Variants in GNS observed in about 807,000 individuals in gnomAD.
The protein encoded by GNS is glucosamine (N-acetyl)-6-sulfatase, also known as N-acetylglucosamine-6-sulfatase.
In GNS, 40 loss-of-function variants were observed where a neutral mutation model predicts 69.7. The ratio of observed to expected loss-of-function variants is 0.57; its 90% CI spans 0.45 to 0.75. The LOEUF (loss-of-function observed/expected upper bound fraction) is 0.75, where lower values mean the gene tolerates loss of function less well. GNS is among the 30% of genes least tolerant of loss of function. The pLI, the probability that GNS is intolerant of heterozygous loss-of-function variation, is 0.00. For missense variants in GNS, 565 were observed against 685.5 expected, an observed-to-expected ratio of 0.82 and a Z score of 1.96; for synonymous variants, 243 against 251.6, an observed-to-expected ratio of 0.97 and a Z score of 0.32.
chr12:64,758,135 GA>G (rs897877732), intron 1 of GNS, among the ~76,000 whole-genome samples: 5 of 151,348 alleles, frequency 3.3e-5, no homozygotes, highest in African/African-American at 7.3e-5. Flanking sequence ...ATTTACTCTG[GA>G]AAAAAAATGA....
rs1359330028 is a variant in GNS at position 64,714,829 on chromosome 12, G to A, written c.*1912C>T. The A allele has an allele frequency of 2.6e-5, 4 of 152,574 alleles. No homozygotes were observed. The highest frequency in any genetic ancestry group is 2.9e-5 in the Non-Finnish European group (2 of 68,034). 9.5% of individuals were successfully genotyped at this position (152,574 alleles called of 1,614,324 possible). A position where few individuals can be genotyped will look rare whatever the true frequency, so the allele number is the denominator to read the frequency against. On this transcript the variant is annotated 3_prime_UTR_variant, in exon 14 of 14. Coordinates refer to ENST00000258145, the MANE Select transcript of GNS (RefSeq NM_002076.4). The stretch of plus-strand genomic sequence containing the variant: ...AAGAGTCAAAGTGAAAAAGAAAGCC[G>A]ATACCCATATTCAACAGTGCTTTCA...
At chr12:64,748,350 G>A (rs1444087534) in intron 2 of GNS, among the ~76,000 whole-genome samples, 5 of 151,176 alleles carry the variant, frequency 3.3e-5, no homozygotes, top group African/African-American at 1.2e-4. Flanking sequence ...ACAGGTGTGT[G>A]CCACCATCCT....
In GNS at chr12:64,756,520, T is replaced by C. The variant is rs1870254166; in HGVS notation, c.192+2565A>G. On this transcript the variant is annotated intron_variant, in intron 1 of 13. Transcript: ENST00000258145. ...AGCATGGTGATCTGAGGTCATAAGA[T>C]ACCCAGGCTTTGTCCAATATTAGCT... The C allele has an allele frequency of 9.4e-6, 5 of 534,146 alleles. 1 individual carries two copies. In the Admixed American group the frequency reaches 1.7e-4, roughly 18 times the overall value. The allele number at this position is 534,146 out of a possible 1,614,324, so 33.1% of individuals were successfully genotyped here.
At chr12:64,752,192 A>C (rs1025910332) in intron 2 of GNS, among the ~76,000 whole-genome samples, 3 of 152,178 alleles carry the variant, frequency 2.0e-5, no homozygotes, top group Non-Finnish European at 2.9e-5. Flanking sequence ...TGAGCACTTA[A>C]ACATAACACT....
In GNS at chr12:64,759,317, G is replaced by A; in HGVS notation, c.-41C>T. ...GGGTGACCCCGGGACGGGACGGGAC[G>A]GAGGGACGCACAGGTAGCTGAAGGG... On this transcript the variant is annotated 5_prime_UTR_variant, in exon 1 of 14. Coordinates refer to ENST00000258145, the MANE Select transcript of GNS (RefSeq NM_002076.4). The A allele has an allele frequency of 2.9e-6, 4 of 1,358,222 alleles. No homozygotes were observed. Among genetic ancestry groups the A allele is most frequent in the South Asian group, 1.5e-5 (1 of 68,008 alleles). 84.1% of individuals were successfully genotyped at this position (1,358,222 alleles called of 1,614,324 possible).
intron 1 of GNS, 87 bp from the exon 2 acceptor site, chr12:64,752,844 C>T (rs1274492727): frequency 1.3e-6 from 1 of 755,602 alleles, no homozygotes; most frequent in Non-Finnish European, 2.4e-6. Flanking sequence ...TTACATCTTA[C>T]TCAATCTTTT....
Position 64,721,682 on chromosome 12 carries a change from A to C in GNS, c.1332T>G (p.Cys444Trp). The C allele has an allele frequency of 6.4e-7, 1 of 1,556,804 alleles. No individual in the cohort carries two copies. Among genetic ancestry groups the C allele is most frequent in the African/African-American group, 1.4e-5 (1 of 73,966 alleles). Residue 444 changes from cysteine to tryptophan, a missense_variant, in exon 12 of 14, where the codon TGT (cysteine) becomes TGG (tryptophan). Cys to Trp is a radical substitution (Grantham distance 215). Transcript: ENST00000258145. ...CATAGGTATTGTTATAAGCATCTTCACATACACAGTCTGGGAAGCATTGCT... is the reference window on the plus strand; with the variant it reads ...CATAGGTATTGTTATAAGCATCTTCCCATACACAGTCTGGGAAGCATTGCT... Reference protein sequence around the residue: ...GVSQCFPDCVCEDAYNNTYAC... With the variant: ...GVSQCFPDCVWEDAYNNTYAC...
At chr12:64,748,286 C>T (rs1040520874) in intron 2 of GNS, among the ~76,000 whole-genome samples, 15 of 151,936 alleles carry the variant, frequency 9.9e-5, no homozygotes, top group Non-Finnish European at 1.5e-4. Flanking sequence ...ACTGCAGCCT[C>T]GACCTCCTGG....
chr12:64,758,990 T>C, intron 1 of GNS, 95 bp downstream of exon 1: 3 of 1,057,656 alleles, frequency 2.8e-6, no homozygotes, highest in South Asian at 1.4e-5. Context: ...AGACAGCCAG[T>C]TCGGGGAGGA....
intron 2 of GNS, among the ~76,000 whole-genome samples, chr12:64,748,271 A>G (rs1869958682): frequency 6.6e-6 from 1 of 151,790 alleles, no homozygotes; most frequent in African/African-American, 2.4e-5. Context: ...GCACAAGCAC[A>G]GCTCACTGCA....
chr12:64,732,250 C>T (rs1199226138), intron 9 of GNS, among the ~76,000 whole-genome samples: 1 of 149,180 alleles, frequency 6.7e-6, no homozygotes, highest in Non-Finnish European at 1.5e-5. Flanking sequence ...TCACTGCAAG[C>T]TCTGCCTCCC....
At chr12:64,720,293 A>C (rs1592491195) in intron 12 of GNS, 111 bp from the exon 13 acceptor site, 1 of 768,776 alleles carries the variant, frequency 1.3e-6, no homozygotes, top group East Asian at 2.4e-5. Flanking sequence ...ATTAAAAAAA[A>C]AAAAAATCAA....
At chr12:64,754,465 G>A (rs1870182869) in intron 1 of GNS, among the ~76,000 whole-genome samples, 1 of 152,188 alleles carries the variant, frequency 6.6e-6, no homozygotes, top group Admixed American at 6.5e-5. Context: ...CCAGAGGAAG[G>A]AGAGAGGCAC....
At chr12:64,721,775 G>A (rs112898627) in intron 11 of GNS, 70 bp from the exon 12 acceptor site, 1 of 850,626 alleles carries the variant, frequency 1.2e-6, no homozygotes, top group East Asian at 2.4e-5. Flanking sequence ...TTGCCTAGAA[G>A]GGCAATCGGC....
chr12:64,745,767 A>G (rs532070485), intron 3 of GNS, 43 bp from the exon 4 acceptor site: 11 of 1,192,776 alleles, frequency 9.2e-6, no homozygotes, highest in Non-Finnish European at 1.1e-5. Context: ...GTCCTTAGAT[A>G]TGACCAGACC....
At chr12:64,733,862 A>C (rs1314915873) in intron 9 of GNS, among the ~76,000 whole-genome samples, 2 of 152,198 alleles carry the variant, frequency 1.3e-5, no homozygotes, top group African/African-American at 2.4e-5. Context: ...CACCAAATCT[A>C]AAGCTAAACT....
In GNS at chr12:64,739,513, G is replaced by C; in HGVS notation, c.876-14C>G. The C allele has an allele frequency of 8.1e-7, 1 of 1,232,796 alleles. No individual in the cohort carries two copies. Among genetic ancestry groups the C allele is most frequent in the East Asian group, 2.5e-5 (1 of 39,572 alleles). 76.4% of individuals were successfully genotyped at this position (1,232,796 alleles called of 1,614,324 possible). Reference sequence around the variant, plus strand: ...AGAGTTTGCCACCTGGATGTGAACAGAAGGTAGAAATGGGACTTCAGGGGC... The same window carrying C: ...AGAGTTTGCCACCTGGATGTGAACACAAGGTAGAAATGGGACTTCAGGGGC... On this transcript the variant is annotated splice_polypyrimidine_tract_variant and intron_variant, in intron 7 of 13. Transcript: ENST00000258145.
chr12:64,737,200 A>G (rs577716013), intron 8 of GNS, 93 bp from the exon 9 acceptor site: 1 of 777,230 alleles, frequency 1.3e-6, no homozygotes, highest in South Asian at 1.4e-5. Context: ...CAAAACTAAA[A>G]CAACTTTGTT....
chr12:64,748,388 T>C (rs1244196447), intron 2 of GNS, among the ~76,000 whole-genome samples: 1 of 151,768 alleles, frequency 6.6e-6, no homozygotes, highest in Non-Finnish European at 1.5e-5. Context: ...TTTTTTTATT[T>C]GTAGAGATAA....
Sources: gnomAD v4.1 joint callset for allele counts (sites outside exome capture counted in the v4.1 genomes callset) on GRCh38, gnomAD v4.1.1 for gene constraint, MANE v1.5 for transcripts, NCBI Gene and HGNC (gene_info 2026-07-23, HGNC 2026-07-21) for gene names.